Variants in PPP1R13B observed in about 807,000 individuals in gnomAD.
PPP1R13B encodes protein phosphatase 1 regulatory subunit 13B, also known as apoptosis-stimulating of p53 protein 1.
A neutral mutation model predicts 119.8 loss-of-function variants in PPP1R13B; 44 were observed. The observed-to-expected ratio is 0.37, with a 90% CI of 0.29 to 0.47. The LOEUF (loss-of-function observed/expected upper bound fraction) is 0.47. Ranked by LOEUF, PPP1R13B falls within the 20% of genes least tolerant of loss-of-function variation. PPP1R13B has a pLI of 0.99. For missense variants in PPP1R13B, 1,227 were observed against 1,413.5 expected, an observed-to-expected ratio of 0.87 and a Z score of 2.12; for synonymous variants, 542 against 561.5, an observed-to-expected ratio of 0.97 and a Z score of 0.49.
chr14:103,771,844 A>C (rs1481353126), intron 4 of PPP1R13B, among the ~76,000 whole-genome samples: 1 of 152,230 alleles, frequency 6.6e-6, no homozygotes, highest in African/African-American at 2.4e-5. Context: ...TATAATTCAC[A>C]TATAATAAAC....
intron 8 of PPP1R13B, among the ~76,000 whole-genome samples, chr14:103,748,377 G>C (rs2151974878): frequency 1.3e-5 from 2 of 152,238 alleles, no homozygotes; most frequent in East Asian, 3.9e-4. Context: ...CACAGAACTG[G>C]AAGCTCCCTT....
intron 1 of PPP1R13B, among the ~76,000 whole-genome samples, chr14:103,831,680 A>T (rs1372608469): frequency 6.6e-6 from 1 of 151,472 alleles, no homozygotes; most frequent in African/African-American, 2.4e-5. Flanking sequence ...TCACGCCTAT[A>T]ATCCCAGCAC....
intron 4 of PPP1R13B, among the ~76,000 whole-genome samples, chr14:103,766,209 C>T (rs937128585): frequency 1.3e-5 from 2 of 152,000 alleles, no homozygotes; most frequent in Non-Finnish European, 2.9e-5. Context: ...GGGGTTTCAC[C>T]ATGTTATCCA....
chr14:103,751,096 G>A (rs1436973112), intron 7 of PPP1R13B, among the ~76,000 whole-genome samples: 3 of 152,172 alleles, frequency 2.0e-5, no homozygotes, highest in African/African-American at 7.2e-5. Context: ...AGAGGTTGCA[G>A]TGAGCCGAGA....
Position 103,797,432 on chromosome 14 carries a change from TACA to T in PPP1R13B, c.93_95del (p.Val32del), listed in dbSNP as rs2085785442. On this transcript the variant is annotated inframe_deletion, in exon 2 of 17. Coordinates refer to ENST00000202556, the MANE Select transcript of PPP1R13B (RefSeq NM_015316.3). Reference sequence around the variant, plus strand: ...CTTCTCCAGGTTCCTTGCAAAATTCTACAACATCTCGACAGGTTGTTTCCGGTG... The same window carrying T: ...CTTCTCCAGGTTCCTTGCAAAATTCTACATCTCGACAGGTTGTTTCCGGTG... 1.2e-6 allele frequency: 2 copies of T among 1,614,008 alleles called. No individual in the cohort carries two copies. The highest frequency in any genetic ancestry group is 1.7e-6 in the Non-Finnish European group (2 of 1,179,994).
intron 1 of PPP1R13B, among the ~76,000 whole-genome samples, chr14:103,797,996 A>G (rs1039176716): frequency 5.9e-5 from 9 of 152,130 alleles, no homozygotes; most frequent in African/African-American, 2.2e-4. Flanking sequence ...TCAAATATTT[A>G]GATACAAACC....
intron 1 of PPP1R13B, among the ~76,000 whole-genome samples, chr14:103,822,111 T>C (rs2086423718): frequency 6.6e-6 from 1 of 150,752 alleles, no homozygotes; most frequent in Non-Finnish European, 1.5e-5. Context: ...CACAAGACAA[T>C]CCCAAGAGAT....
At chr14:103,737,499 C>A in intron 15 of PPP1R13B, 195 bp downstream of exon 15, 1 of 605,948 alleles carries the variant, frequency 1.7e-6, no homozygotes, top group Non-Finnish European at 2.7e-6. Flanking sequence ...TCAATTGAGC[C>A]CGGGAGGTCG....
In PPP1R13B at chr14:103,738,771, T is replaced by A. The variant is rs1567080589; in HGVS notation, c.2772A>T (p.Pro924=). 6.2e-7 allele frequency: 1 copy of A among 1,614,228 alleles called. No homozygotes were observed. Among genetic ancestry groups the A allele is most frequent in the Non-Finnish European group, 8.5e-7 (1 of 1,180,034 alleles). The change falls in exon 14 of 17, where the codon CCA becomes CCT. Residue 924 remains proline (P), a synonymous_variant. Transcript: ENST00000202556. This position sits in a 1 kb window ranked among gnomAD's most constrained non-coding sequence, Gnocchi z 5.6. ...GGCCGGCGCAGACGGCGTTGTGCAG[T>A]GGGGTGATCCCTTCGTCGTTGGGCT... The part of the protein sequence containing the change: ...PSKPNDEGIT[P]LHNAVCAGHH...
intron 1 of PPP1R13B, 86 bp from the exon 2 acceptor site, chr14:103,797,604 C>T: frequency 1.6e-6 from 1 of 614,092 alleles, no homozygotes; most frequent in Non-Finnish European, 2.5e-6. Context: ...CCTCTACCCA[C>T]CCCCCGCCCC....
chr14:103,806,875 A>AGCC (rs1280564634), intron 1 of PPP1R13B, among the ~76,000 whole-genome samples: 1 of 152,182 alleles, frequency 6.6e-6, no homozygotes, highest in Non-Finnish European at 1.5e-5. Flanking sequence ...CCCAAGCCCG[A>AGCC]GCCACCACCA....
At chr14:103,768,095 C>T (rs999028187) in intron 4 of PPP1R13B, among the ~76,000 whole-genome samples, 14 of 148,884 alleles carry the variant, frequency 9.4e-5, no homozygotes, top group African/African-American at 2.7e-4. Context: ...TCTAAGCCTC[C>T]GTGGTAGTCA....
chr14:103,782,809 CT>C (rs960113180), intron 3 of PPP1R13B, among the ~76,000 whole-genome samples: 60 of 145,416 alleles, frequency 4.1e-4, no homozygotes, highest in Middle Eastern at 3.4e-3. Context: ...TTCTACTAAG[CT>C]TTTTTTTTTT....
At position 103,739,912 on chromosome 14, in the gene PPP1R13B, C is replaced by T; in HGVS notation, c.2504G>A (p.Ser835Asn). The change falls in exon 12 of 17, where the codon AGT (serine) becomes AAT (asparagine). Residue 835 changes from serine (S) to asparagine (N), a missense_variant. By Grantham distance (46) the Ser-to-Asn change is conservative. Coordinates refer to ENST00000202556, the MANE Select transcript of PPP1R13B (RefSeq NM_015316.3). ...TGGAGATGGGGCCTCAGCCACAGGACTCGGGATCTGCTCCGTGGTGGGGAC... is the reference window on the plus strand; with the variant it reads ...TGGAGATGGGGCCTCAGCCACAGGATTCGGGATCTGCTCCGTGGTGGGGAC... ...ATVPTTEQIP[S>N]PVAEAPSPGE... 2 of 1,614,080 alleles carry T rather than the reference C, an allele frequency of 1.2e-6. No individual in the cohort carries two copies.
At chr14:103,810,773 A>G (rs888498733) in intron 1 of PPP1R13B, among the ~76,000 whole-genome samples, 16 of 150,986 alleles carry the variant, frequency 1.1e-4, no homozygotes, top group African/African-American at 3.7e-4. Flanking sequence ...TCCATCTCAA[A>G]AAAGAAAAAA....
At chr14:103,825,303 G>A (rs1383439257) in intron 1 of PPP1R13B, among the ~76,000 whole-genome samples, 1 of 152,028 alleles carries the variant, frequency 6.6e-6, no homozygotes, top group Non-Finnish European at 1.5e-5. Flanking sequence ...ACCCTACAGT[G>A]GCCTCTAAGT....
At position 103,735,052 on chromosome 14, in the gene PPP1R13B, T is replaced by C. The variant is rs1179818645; in HGVS notation, c.*102A>G. 5.2e-6 allele frequency: 7 copies of C among 1,340,774 alleles called. No individual in the cohort carries two copies. The highest frequency in any genetic ancestry group is 3.5e-5 in the Admixed American group (2 of 57,424). 83.1% of individuals were successfully genotyped at this position (1,340,774 alleles called of 1,614,324 possible). On this transcript the variant is annotated 3_prime_UTR_variant, in exon 17 of 17. Transcript: ENST00000202556. ...ACGCTGTCTGCTAAAGTGAGCACCATTAAGACCATTTTCTAGCTGCAGCTT... is the reference window on the plus strand; with the variant it reads ...ACGCTGTCTGCTAAAGTGAGCACCACTAAGACCATTTTCTAGCTGCAGCTT...
At chr14:103,839,521 A>C (rs1164700039) in intron 1 of PPP1R13B, among the ~76,000 whole-genome samples, 1 of 151,412 alleles carries the variant, frequency 6.6e-6, no homozygotes, top group Non-Finnish European at 1.5e-5. Flanking sequence ...CAGCTACTCG[A>C]GAGGCTGAGT....
intron 1 of PPP1R13B, among the ~76,000 whole-genome samples, chr14:103,820,780 G>A (rs773018192): frequency 3.3e-5 from 5 of 150,718 alleles, no homozygotes; most frequent in Non-Finnish European, 5.9e-5. Flanking sequence ...TTACAAGTGT[G>A]AGCCACTGCA....
Sources: gnomAD v4.1 joint callset for allele counts (sites outside exome capture counted in the v4.1 genomes callset) on GRCh38, gnomAD v4.1.1 for gene constraint, Gnocchi (gnomAD v3.1) non-coding constraint, MANE v1.5 for transcripts, NCBI Gene and HGNC (gene_info 2026-07-23, HGNC 2026-07-21) for gene names.